COL27A1: variants seen among roughly 807,000 people sequenced by gnomAD.
COL27A1 encodes collagen alpha-1(XXVII) chain.
A neutral mutation model predicts 251.3 loss-of-function variants in COL27A1; 106 were observed. The observed-to-expected ratio is 0.42, with a 90% CI of 0.36 to 0.50. The LOEUF (loss-of-function observed/expected upper bound fraction) is 0.50. Among genes scored for constraint, COL27A1 ranks in the 20% least tolerant of loss-of-function variants. The pLI, the probability that COL27A1 is intolerant of heterozygous loss-of-function variation, is 0.00. For missense variants in COL27A1, 2,325 were observed against 2,522.8 expected, an observed-to-expected ratio of 0.92 and a Z score of 1.68; for synonymous variants, 1,000 against 986.3, an observed-to-expected ratio of 1.01 and a Z score of -0.26.
chr9:114,238,268 G>A (rs57592474), intron 19 of COL27A1, among the ~76,000 whole-genome samples: 2,218 of 152,356 alleles, frequency 0.015, 52 homozygotes, highest in African/African-American at 0.051. Flanking sequence ...CATTGGCATA[G>A]GTAGGCTACA....
chr9:114,305,607 G>A (rs563808852), intron 57 of COL27A1, among the ~76,000 whole-genome samples: 1 of 152,312 alleles, frequency 6.6e-6, no homozygotes, highest in East Asian at 1.9e-4. Flanking sequence ...TACCTGCCAG[G>A]GGCTCTGCCC....
chr9:114,237,589 C>T (rs1426132306), intron 18 of COL27A1, 73 bp from the exon 19 acceptor site: 10 of 1,249,038 alleles, frequency 8.0e-6, no homozygotes, highest in South Asian at 2.4e-5. Flanking sequence ...CCACAACCAG[C>T]GGGGGAACGC....
At chr9:114,161,205 T>G (rs1226189120) in intron 1 of COL27A1, among the ~76,000 whole-genome samples, 1 of 152,114 alleles carries the variant, frequency 6.6e-6, no homozygotes, top group East Asian at 1.9e-4. Flanking sequence ...CAGTATGTCC[T>G]TACTCAACAA....
At chr9:114,199,310 C>G (rs1277675329) in intron 7 of COL27A1, among the ~76,000 whole-genome samples, 1 of 152,178 alleles carries the variant, frequency 6.6e-6, no homozygotes, top group African/African-American at 2.4e-5. Flanking sequence ...GCTAAACATT[C>G]TGCAGTGCAC....
intron 3 of COL27A1, among the ~76,000 whole-genome samples, chr9:114,175,587 CT>C (rs1227849262): frequency 1.3e-5 from 2 of 152,130 alleles, no homozygotes; most frequent in African/African-American, 4.8e-5. Context: ...AGGAGTCCGC[CT>C]GTGGGCTGAC....
chr9:114,296,179 A>T (rs892744067), intron 49 of COL27A1, among the ~76,000 whole-genome samples: 1 of 152,216 alleles, frequency 6.6e-6, no homozygotes, highest in African/African-American at 2.4e-5. Flanking sequence ...CAAAAGCATG[A>T]CCCAGAAAAG....
chr9:114,221,758 C>G (rs1831126304), intron 13 of COL27A1, among the ~76,000 whole-genome samples: 1 of 152,212 alleles, frequency 6.6e-6, no homozygotes, highest in Non-Finnish European at 1.5e-5. Context: ...CCAAGGGCCA[C>G]AGCACCTCCC....
rs141085601 is a variant in COL27A1 at position 114,270,462 on chromosome 9, C to T, written c.3556-266C>T. On this transcript the variant is annotated intron_variant, in intron 35 of 60. Coordinates refer to ENST00000356083, the MANE Select transcript of COL27A1 (RefSeq NM_032888.4). ...GTGACCTCATGTAGCCCCCACCCCA[C>T]GTCACCCTGCAGAGGGAGCTGTCGG... Among the ~76,000 whole-genome samples, 760 of 152,340 alleles carry T rather than the reference C, an allele frequency of 5.0e-3. 22 individuals are homozygous for T. Among genetic ancestry groups the T allele is most frequent in the Admixed American group, 0.043 (658 of 15,310 alleles).
At chr9:114,248,679 G>A (rs1361880295) in intron 24 of COL27A1, among the ~76,000 whole-genome samples, 1 of 152,182 alleles carries the variant, frequency 6.6e-6, no homozygotes, top group African/African-American at 2.4e-5. Flanking sequence ...TACCCCGGGG[G>A]GGTCCCAGGG....
chr9:114,180,632 G>A (rs941613433), intron 4 of COL27A1, among the ~76,000 whole-genome samples: 2 of 152,176 alleles, frequency 1.3e-5, no homozygotes, highest in African/African-American at 2.4e-5. Context: ...TTAAGGAGGG[G>A]CATTCTTACC....
At position 114,275,136 on chromosome 9, in the gene COL27A1, T is replaced by C. The variant is rs554683511; in HGVS notation, c.3610-525T>C. Among the ~76,000 whole-genome samples, 168 of 152,028 alleles carry C rather than the reference T, an allele frequency of 1.1e-3. 2 individuals are homozygous for C. The highest frequency in any genetic ancestry group is 3.8e-3 in the African/African-American group (159 of 41,508). On this transcript the variant is annotated intron_variant, in intron 36 of 60. Transcript: ENST00000356083. ...TCAATTAGCTGGGCATGGTGGCATG[T>C]GCCTGTAGTCCCAGCTACTTGGGAG...
intron 34 of COL27A1, among the ~76,000 whole-genome samples, chr9:114,268,219 T>C (rs933479133): frequency 3.3e-5 from 5 of 151,830 alleles, no homozygotes; most frequent in African/African-American, 4.8e-5. Flanking sequence ...GGCTGGGGGC[T>C]CAGAGCTCTG....
At chr9:114,232,465 G>A (rs1490893053) in intron 16 of COL27A1, among the ~76,000 whole-genome samples, 2 of 152,202 alleles carry the variant, frequency 1.3e-5, no homozygotes, top group Non-Finnish European at 2.9e-5. Flanking sequence ...ATCTGAATAC[G>A]AGAGACACAG....
At chr9:114,214,236 T>A (rs1057457284) in intron 12 of COL27A1, among the ~76,000 whole-genome samples, 1 of 152,202 alleles carries the variant, frequency 6.6e-6, no homozygotes, top group African/African-American at 2.4e-5. Context: ...TGGGGGCTCC[T>A]GTCGTGAATG....
chr9:114,237,476 C>G (rs908189058), intron 18 of COL27A1, among the ~76,000 whole-genome samples, 186 bp from the exon 19 acceptor site: 8 of 152,222 alleles, frequency 5.3e-5, no homozygotes, highest in African/African-American at 1.9e-4. Flanking sequence ...GTGACTTGCC[C>G]AGGGTCCCAT....
chr9:114,302,150 C>T, intron 56 of COL27A1, 42 bp downstream of exon 56: 3 of 1,569,256 alleles, frequency 1.9e-6, no homozygotes, highest in Non-Finnish European at 2.6e-6. Context: ...GGGGTAAGGC[C>T]TGAGGGGTTT....
At chr9:114,301,827 T>C (rs1828665428) in intron 55 of COL27A1, 110 bp downstream of exon 55, 1 of 1,106,852 alleles carries the variant, frequency 9.0e-7, no homozygotes, top group South Asian at 1.5e-5. Context: ...ACAGGGGTTC[T>C]TGTAGCCCAC....
chr9:114,217,703 A>C (rs923959944), intron 12 of COL27A1: 2 of 459,650 alleles, frequency 4.4e-6, no homozygotes, highest in Admixed American at 2.4e-5. Context: ...GGCCATGTGG[A>C]GTCAGCCAGG....
intron 23 of COL27A1, among the ~76,000 whole-genome samples, chr9:114,244,129 T>G (rs1205943097): frequency 6.6e-6 from 1 of 152,012 alleles, no homozygotes; most frequent in Non-Finnish European, 1.5e-5. Context: ...AGTTTCACCA[T>G]GTTGACTGGG....
Sources: allele counts gnomAD v4.1 joint callset (sites outside exome capture counted in the v4.1 genomes callset), GRCh38; gene constraint gnomAD v4.1.1; transcripts MANE v1.5; gene names NCBI Gene and HGNC (gene_info 2026-07-23, HGNC 2026-07-21).